The following USP44 variants were observed in gnomAD, a reference collection of about 807,000 sequenced individuals.
USP44 encodes the protein ubiquitin carboxyl-terminal hydrolase 44.
A neutral mutation model predicts 69.0 loss-of-function variants in USP44; 61 were observed. That is an observed-to-expected ratio of 0.88 (90% confidence interval 0.72 to 1.09). The LOEUF (loss-of-function observed/expected upper bound fraction) is 1.09. Ranked by LOEUF, USP44 falls within the 50% of genes least tolerant of loss-of-function variation. The pLI is 0.00. For missense variants in USP44, 753 were observed against 849.9 expected, an observed-to-expected ratio of 0.89 and a Z score of 1.42; for synonymous variants, 297 against 295.4, an observed-to-expected ratio of 1.01 and a Z score of -0.06.
intron 1 of USP44, among the ~76,000 whole-genome samples, chr12:95,535,956 T>C (rs1471556811): frequency 6.6e-6 from 1 of 152,102 alleles, no homozygotes; most frequent in Non-Finnish European, 1.5e-5. Context: ...AAATCTCATA[T>C]TCGTTCCTTA....
At chr12:95,527,707 A>G (rs867743542) in intron 3 of USP44, among the ~76,000 whole-genome samples, 5 of 150,576 alleles carry the variant, frequency 3.3e-5, no homozygotes, top group Non-Finnish European at 5.9e-5. Flanking sequence ...CTGGTCTTGA[A>G]CTCCTGACCT....
rs3812814 is a variant in USP44, at chr12:95,533,261, A to G, written c.996T>C (p.Tyr332=). ...KHPPVTDTVV[Y]QMNECQEKDT... ...CTTTTTCCTGACATTCATTCATTTG[A>G]TATACTACTGTATCTGTGACTGGTG... The change falls in exon 2 of 6, where the codon TAT becomes TAC. Residue 332 remains tyrosine, a synonymous_variant. Coordinates refer to ENST00000258499, the MANE Select transcript of USP44 (RefSeq NM_032147.5). The G allele has an allele frequency of 0.11, 174,068 of 1,614,028 alleles. 10,005 individuals carry two copies. Among genetic ancestry groups the G allele is most frequent in the Non-Finnish European group, 0.12 (140,005 of 1,180,002 alleles).
intron 1 of USP44, among the ~76,000 whole-genome samples, chr12:95,547,487 C>T (rs752816823): frequency 1.1e-4 from 17 of 152,202 alleles, no homozygotes; most frequent in Non-Finnish European, 1.5e-4. Flanking sequence ...TTTCAAGATT[C>T]AACTGAATAT....
At chr12:95,523,689 CAAAAAAA>C (rs927669685) in intron 4 of USP44, among the ~76,000 whole-genome samples, 8 of 89,204 alleles carry the variant, frequency 9.0e-5, no homozygotes, top group African/African-American at 2.6e-4. Flanking sequence ...CTGTCTCTAC[CAAAAAAA>C]AAAAAAAAAA....
chr12:95,548,693 G>A lies in USP44; in HGVS notation c.-71+2579C>T, dbSNP rs11108102. 4,677 of 152,130 alleles carry A rather than the reference G, an allele frequency of 0.031. 119 individuals are homozygous for A. The highest frequency in any genetic ancestry group is 0.07 in the South Asian group (339 of 4,828). The allele number at this position is 152,130 out of a possible 1,614,324, so 9.4% of individuals were successfully genotyped here. On this transcript the variant is annotated intron_variant, in intron 1 of 5. Coordinates refer to ENST00000258499, the MANE Select transcript of USP44 (RefSeq NM_032147.5). This position sits in a 1 kb window ranked among gnomAD's most constrained non-coding sequence, Gnocchi z 4.1. The stretch of plus-strand genomic sequence containing the variant: ...CCCCAGGTGCCTCCCGGCCCCGGGG[G>A]CTGCCGTCGCACGTCCGCTCCCGCA...
chr12:95,537,157 G>C (rs569444308), intron 1 of USP44, among the ~76,000 whole-genome samples: 1 of 152,216 alleles, frequency 6.6e-6, no homozygotes, highest in African/African-American at 2.4e-5. Context: ...AGGGGGCAGA[G>C]GTAGAATTAG....
At position 95,533,119 on chromosome 12, in the gene USP44, A is replaced by T. The variant is rs1447295552; in HGVS notation, c.1138T>A (p.Ser380Thr). The T allele has an allele frequency of 6.2e-7, 1 of 1,614,102 alleles. No individual in the cohort carries two copies. Among genetic ancestry groups the T allele is most frequent in the Non-Finnish European group, 8.5e-7 (1 of 1,180,056 alleles). The stretch of plus-strand genomic sequence containing the variant: ...AAAGTATGCAATTCATGACAAAGAG[A>T]AATGTACTGTGAAGTTGGCTCCTTT... ...QPKEPTSQYISLCHELHTLFQ... is the reference protein window; with the variant it reads ...QPKEPTSQYITLCHELHTLFQ... Residue 380 changes from serine (S) to threonine (T), a missense_variant, in exon 2 of 6, where the codon TCT (serine) becomes ACT (threonine). By Grantham distance (58) the Ser-to-Thr change is moderately conservative (BLOSUM62 1). Coordinates refer to ENST00000258499, the MANE Select transcript of USP44 (RefSeq NM_032147.5).
At chr12:95,520,899 C>T in intron 5 of USP44, 98 bp downstream of exon 5, 1 of 1,127,246 alleles carries the variant, frequency 8.9e-7, no homozygotes. Context: ...GGTCGAGTAG[C>T]TTTGTTTATG....
At chr12:95,523,509 G>C (rs945030529) in intron 4 of USP44, among the ~76,000 whole-genome samples, 1 of 152,104 alleles carries the variant, frequency 6.6e-6, no homozygotes, top group South Asian at 2.1e-4. Context: ...GGTCACATTC[G>C]TATTCTCTGT....
intron 1 of USP44, among the ~76,000 whole-genome samples, chr12:95,541,401 C>G (rs11108097): frequency 0.4 from 60,885 of 151,654 alleles, 13,051 homozygotes; most frequent in African/African-American, 0.56. Flanking sequence ...GAGCAGCCTG[C>G]GCAACATAGT....
chr12:95,534,608 C>T (rs966792628), intron 1 of USP44, among the ~76,000 whole-genome samples: 1 of 151,844 alleles, frequency 6.6e-6, no homozygotes, highest in African/African-American at 2.4e-5. Flanking sequence ...AATCACTTTC[C>T]ACTGAAATAG....
upstream of USP44, chr12:95,551,619 A>C (rs549041721): frequency 6.6e-6 from 1 of 152,510 alleles, no homozygotes; most frequent in African/African-American, 2.4e-5. Context: ...GGGACTGTGC[A>C]CTTGCTCCCT....
rs150281548 is a variant in USP44, at chr12:95,543,581, G to T, written c.-71+7691C>A. ...GTCAAATAATTTAAAAAATCCACGC[G>T]TGGCAGTGCATGACTATAGTCCCCA... On this transcript the variant is annotated intron_variant, in intron 1 of 5. Coordinates refer to ENST00000258499, the MANE Select transcript of USP44 (RefSeq NM_032147.5). Among the ~76,000 whole-genome samples the T allele has an allele frequency of 9.8e-3, 1,488 of 152,044 alleles. 19 individuals are homozygous for T. Among genetic ancestry groups the T allele is most frequent in the South Asian group, 0.061 (292 of 4,808 alleles).
intron 3 of USP44, 82 bp downstream of exon 3, chr12:95,528,725 A>C: frequency 7.1e-7 from 1 of 1,413,630 alleles, no homozygotes; most frequent in East Asian, 2.3e-5. Flanking sequence ...ATAACTGCTA[A>C]AGATTTCTTT....
At position 95,517,100 on chromosome 12, in the gene USP44, T is replaced by G. The variant is rs1308686089; in HGVS notation, c.*1054A>C. On this transcript the variant is annotated 3_prime_UTR_variant, in exon 6 of 6. Transcript: ENST00000258499. ...AGTTTAGATAGATAGCTTTTAGTTT[T>G]TTTTTTTTTTTTTAATGCTCAGGGC... 2 of 151,326 alleles carry G rather than the reference T, an allele frequency of 1.3e-5. No individual in the cohort carries two copies. Among genetic ancestry groups the G allele is most frequent in the Non-Finnish European group, 2.9e-5 (2 of 67,866 alleles). The allele number at this position is 151,326 out of a possible 1,614,324, so 9.4% of individuals were successfully genotyped here. A position where few individuals can be genotyped will look rare whatever the true frequency, so the allele number is the denominator to read the frequency against.
intron 1 of USP44, among the ~76,000 whole-genome samples, chr12:95,536,791 C>G (rs1157554699): frequency 6.6e-6 from 1 of 152,150 alleles, no homozygotes; most frequent in Non-Finnish European, 1.5e-5. Context: ...CCTAAACAAC[C>G]ACTTTAGGGG....
intron 1 of USP44, among the ~76,000 whole-genome samples, chr12:95,541,866 T>C (rs2077400251): frequency 6.8e-6 from 1 of 147,754 alleles, no homozygotes; most frequent in Admixed American, 6.8e-5. Flanking sequence ...AAAAATAATA[T>C]CATCTCCATT....
At chr12:95,530,646 TATAGATAGATAGATAGATAGATAG>T (rs56051106) in intron 2 of USP44, among the ~76,000 whole-genome samples, 7 of 147,452 alleles carry the variant, frequency 4.7e-5, no homozygotes, top group South Asian at 2.2e-4. Context: ...CTACTGGAAA[TATAGATAGATAGATAGATAGATAG>T]ATAGATAGAT....
chr12:95,532,313 G>A (rs958168476), intron 2 of USP44, among the ~76,000 whole-genome samples: 9 of 151,890 alleles, frequency 5.9e-5, no homozygotes, highest in South Asian at 2.1e-4. Flanking sequence ...GATTACAGGC[G>A]TCTGCCACCA....
Sources: gnomAD v4.1 joint callset for allele counts (sites outside exome capture counted in the v4.1 genomes callset) on GRCh38, gnomAD v4.1.1 for gene constraint, Gnocchi (gnomAD v3.1) non-coding constraint, MANE v1.5 for transcripts, NCBI Gene and HGNC (gene_info 2026-07-23, HGNC 2026-07-21) for gene names.